NCOA6: variants seen among roughly 807,000 people sequenced by gnomAD.
NCOA6 encodes nuclear receptor coactivator 6, also known as NRC RAP250.
In NCOA6, 49 loss-of-function variants were observed where a neutral mutation model predicts 171.4. The observed-to-expected ratio is 0.29, with a 90% CI of 0.23 to 0.36. The LOEUF (loss-of-function observed/expected upper bound fraction) is 0.36. NCOA6 is among the 10% of genes least tolerant of loss of function. NCOA6 has a pLI of 1.00. For synonymous variants in NCOA6, 910 were observed against 927.5 expected, an observed-to-expected ratio of 0.98 and a Z score of 0.34; for missense variants, 2,248 against 2,554.5, an observed-to-expected ratio of 0.88 and a Z score of 2.59.
At chr20:34,778,498 G>T (rs1221948116) in intron 3 of NCOA6, among the ~76,000 whole-genome samples, 2 of 151,380 alleles carry the variant, frequency 1.3e-5, no homozygotes, top group Non-Finnish European at 2.9e-5. Flanking sequence ...CGCAATCTTG[G>T]CTCGCTGCAA....
rs536456093 is a variant in NCOA6, at chr20:34,779,960, C to A, written c.235+2161G>T. Reference sequence around the variant, plus strand: ...GAGAGGAAACCAAGGCCCAGAAAGGCTAAGTGATTTGCTCAGAAGCCTGTG... The same window carrying A: ...GAGAGGAAACCAAGGCCCAGAAAGGATAAGTGATTTGCTCAGAAGCCTGTG... On this transcript the variant is annotated intron_variant, in intron 3 of 14. Coordinates refer to ENST00000359003, the MANE Select transcript of NCOA6 (RefSeq NM_014071.5). Among the ~76,000 whole-genome samples the A allele has an allele frequency of 8.6e-4, 131 of 152,324 alleles. No homozygotes were observed. The Middle Eastern group carries it at 0.014, about 16-fold the overall frequency.
chr20:34,821,336 G>A (rs1044028632), intron 1 of NCOA6: 1 of 152,136 alleles, frequency 6.6e-6, no homozygotes, highest in Non-Finnish European at 1.5e-5. Context: ...AAAACAGATC[G>A]TGGGCCAGAT....
At chr20:34,728,899 T>A (rs564861026) in intron 13 of NCOA6, among the ~76,000 whole-genome samples, 54 of 152,344 alleles carry the variant, frequency 3.5e-4, no homozygotes, top group African/African-American at 1.2e-3. Flanking sequence ...GTGTTGAGTA[T>A]ATATGTAACT....
At chr20:34,767,358 C>T (rs758401186) in intron 5 of NCOA6, among the ~76,000 whole-genome samples, 14 of 151,948 alleles carry the variant, frequency 9.2e-5, no homozygotes, top group Non-Finnish European at 1.6e-4. Flanking sequence ...GTGCAGGGTG[C>T]GATCTCGGCT....
chr20:34,782,306 C>A lies in NCOA6; in HGVS notation c.50G>T (p.Cys17Phe), dbSNP rs774114354. The A allele has an allele frequency of 1.4e-5, 22 of 1,612,582 alleles. No individual in the cohort carries two copies. Among genetic ancestry groups the A allele is most frequent in the Admixed American group, 1.7e-5 (1 of 59,830 alleles). The change falls in exon 3 of 15, where the codon TGT becomes TTT. Residue 17 changes from cysteine (C) to phenylalanine (F), a missense_variant. Around this residue, in one of 7 missense-constraint regions of NCOA6, gnomAD observed 987 missense variants for 1,104.7 expected, o/e 0.89. Transcript: ENST00000359003. ...PNLEDIYTSL[C>F]SSTMEDSEMD... ...CTCTGAGTCTTCCATTGTTGATGAA[C>A]ACAAGGAAGTATAGATGTCTTCTAA...
chr20:34,770,180 C>A (rs1040045620), intron 4 of NCOA6, among the ~76,000 whole-genome samples: 1 of 152,122 alleles, frequency 6.6e-6, no homozygotes, highest in African/African-American at 2.4e-5. Context: ...GCTGGGATTA[C>A]AGGCACGTGC....
intron 1 of NCOA6, among the ~76,000 whole-genome samples, chr20:34,801,299 TTAGAAAAGCAAGA>T (rs1365125745): frequency 2.0e-5 from 3 of 151,746 alleles, no homozygotes; most frequent in Non-Finnish European, 4.4e-5. Flanking sequence ...TCTTAAAGAA[TTAGAAAAGCAAGA>T]GCAAACCAAA....
At position 34,811,234 on chromosome 20, in the gene NCOA6, T is replaced by TATAC. The variant is rs1344933526; in HGVS notation, c.-164+14237_-164+14238insGTAT. On this transcript the variant is annotated intron_variant, in intron 1 of 14. Coordinates refer to ENST00000359003, the MANE Select transcript of NCOA6 (RefSeq NM_014071.5). ...ATATATATATATATATATATATATA[T>TATAC]ATGCTTTCAAAATGCATTTTACAAA... Among the ~76,000 whole-genome samples the TATAC allele has an allele frequency of 1.1e-3, 127 of 119,954 alleles. 5 individuals are homozygous for TATAC. The highest frequency in any genetic ancestry group is 3.3e-3 in the South Asian group (9 of 2,756). The allele number at this position is 119,954 out of a possible 152,430, so 78.7% of individuals were successfully genotyped here. A position where few individuals can be genotyped will look rare whatever the true frequency, so the allele number is the denominator to read the frequency against.
At chr20:34,778,867 G>A (rs1268587722) in intron 3 of NCOA6, among the ~76,000 whole-genome samples, 2 of 150,350 alleles carry the variant, frequency 1.3e-5, no homozygotes, top group African/African-American at 2.5e-5. Context: ...GCTGAAGCAG[G>A]AGAATGGCGT....
chr20:34,731,083 G>C (rs1190534838), intron 13 of NCOA6, among the ~76,000 whole-genome samples: 4 of 152,004 alleles, frequency 2.6e-5, no homozygotes, highest in Non-Finnish European at 5.9e-5. Context: ...GCAGTGGCAT[G>C]ATCTCGGCTC....
intron 5 of NCOA6, among the ~76,000 whole-genome samples, chr20:34,765,123 GAA>G (rs753843488): frequency 2.3e-5 from 3 of 131,406 alleles, no homozygotes. Context: ...TGCTTCACAA[GAA>G]AAAAAAAAAA....
intron 1 of NCOA6, among the ~76,000 whole-genome samples, chr20:34,805,839 C>T (rs1012904792): frequency 3.9e-5 from 6 of 152,058 alleles, no homozygotes; most frequent in African/African-American, 1.4e-4. Context: ...AGGCGCACAC[C>T]ATTGTACCCA....
chr20:34,825,240 C>A (rs1258982222), intron 1 of NCOA6, among the ~76,000 whole-genome samples: 16 of 151,796 alleles, frequency 1.1e-4, no homozygotes, highest in Admixed American at 1.0e-3. Flanking sequence ...CTCCCTCCAG[C>A]GCCCCCGCCC....
Position 34,793,493 on chromosome 20 carries a change from C to T in NCOA6, c.-163-930G>A, listed in dbSNP as rs186042749. On this transcript the variant is annotated intron_variant, in intron 1 of 14. Coordinates refer to ENST00000359003, the MANE Select transcript of NCOA6 (RefSeq NM_014071.5). The stretch of plus-strand genomic sequence containing the variant: ...TATGCATGGAACTTGCATGGTGGTG[C>T]ATGCCGGTGGTCCCAGCTATTCAGG... Among the ~76,000 whole-genome samples, 130 of 152,136 alleles carry T rather than the reference C, an allele frequency of 8.5e-4. No homozygotes were observed. In the East Asian group the frequency reaches 0.024, roughly 28 times the overall value.
At position 34,750,094 on chromosome 20, in the gene NCOA6, G is replaced by A. The variant is rs2076422935; in HGVS notation, c.2101C>T (p.Pro701Ser). 1 of 1,614,032 alleles carries A rather than the reference G, an allele frequency of 6.2e-7. No homozygotes were observed. The highest frequency in any genetic ancestry group is 1.3e-5 in the African/African-American group (1 of 74,904). Residue 701 changes from proline to serine, a missense_variant, in exon 9 of 15, where the codon CCT becomes TCT. Coordinates refer to ENST00000359003, the MANE Select transcript of NCOA6 (RefSeq NM_014071.5). Reference protein sequence around the residue: ...MMAPHNQMMGPQGQVLLQQNP... With the variant: ...MMAPHNQMMGSQGQVLLQQNP... ...TGTTGGAGCAAAACCTGCCCCTGAG[G>A]CCCCATCATCTGGTTATGTGGCGCC...
chr20:34,802,527 G>C (rs1308466500), intron 1 of NCOA6, among the ~76,000 whole-genome samples: 2 of 152,064 alleles, frequency 1.3e-5, no homozygotes, highest in Non-Finnish European at 2.9e-5. Flanking sequence ...CTTCAACCAG[G>C]GAGTCGGAAG....
intron 12 of NCOA6, among the ~76,000 whole-genome samples, chr20:34,734,425 C>T (rs1020761184): frequency 6.6e-6 from 1 of 152,106 alleles, no homozygotes; most frequent in East Asian, 1.9e-4. Context: ...AATGGGATCA[C>T]AGCTCACTGC....
chr20:34,783,950 A>G (rs2077588612), intron 2 of NCOA6, among the ~76,000 whole-genome samples: 1 of 116,278 alleles, frequency 8.6e-6, no homozygotes, highest in East Asian at 3.1e-4. Flanking sequence ...TTTATGGCAC[A>G]TGTCCAGCCT....
intron 4 of NCOA6, among the ~76,000 whole-genome samples, chr20:34,775,015 T>TAC (rs1230117673): frequency 2.0e-5 from 3 of 152,140 alleles, no homozygotes; most frequent in African/African-American, 4.8e-5. Context: ...TTTAAGCTGA[T>TAC]ACTTGAAGGC....
Sources: gnomAD v4.1 joint callset for allele counts (sites outside exome capture counted in the v4.1 genomes callset) on GRCh38, gnomAD v4.1.1 for gene constraint, gnomAD v4.1.1 regional missense constraint, MANE v1.5 for transcripts, NCBI Gene and HGNC (gene_info 2026-07-23, HGNC 2026-07-21) for gene names.